Variants in DCC observed in about 807,000 individuals in gnomAD.
DCC encodes netrin receptor DCC.
Under a neutral mutation model 172.5 loss-of-function variants are expected in DCC, and 58 were observed. The observed-to-expected ratio is 0.34, with a 90% confidence interval of 0.27 to 0.42. The LOEUF (loss-of-function observed/expected upper bound fraction) is 0.42. DCC is among the 10% of genes least tolerant of loss of function. The pLI is 1.00. For synonymous variants in DCC, 709 were observed against 644.5 expected, an observed-to-expected ratio of 1.10 and a Z score of -1.52; for missense variants, 1,740 against 1,791.0, an observed-to-expected ratio of 0.97 and a Z score of 0.51.
intron 23 of DCC, among the ~76,000 whole-genome samples, chr18:53,453,655 T>C (rs927427680): frequency 1.3e-5 from 2 of 152,188 alleles, no homozygotes; most frequent in African/African-American, 4.8e-5. Flanking sequence ...TTCATTTTTA[T>C]TATATAAAAT....
At chr18:53,184,741 G>A (rs2055253681) in intron 9 of DCC, among the ~76,000 whole-genome samples, 1 of 152,112 alleles carries the variant, frequency 6.6e-6, no homozygotes, top group African/African-American at 2.4e-5. Flanking sequence ...TGGTATATCT[G>A]GGCTGTTGCT....
intron 1 of DCC, among the ~76,000 whole-genome samples, chr18:52,460,900 T>G (rs188966724): frequency 1.3e-5 from 2 of 152,336 alleles, no homozygotes; most frequent in East Asian, 3.9e-4. Context: ...TAGGACATGA[T>G]GTACACTATT....
At chr18:53,447,871 TAA>T (rs1246537975) in intron 22 of DCC, among the ~76,000 whole-genome samples, 1 of 152,156 alleles carries the variant, frequency 6.6e-6, no homozygotes, top group Non-Finnish European at 1.5e-5. Flanking sequence ...ATGGTAAGTG[TAA>T]AAATTACTTC....
chr18:53,351,619 G>A (rs1289408977), intron 15 of DCC, among the ~76,000 whole-genome samples: 1 of 149,532 alleles, frequency 6.7e-6, no homozygotes, highest in Non-Finnish European at 1.5e-5. Flanking sequence ...TATAATCTGA[G>A]TTGTTATTTG....
intron 12 of DCC, among the ~76,000 whole-genome samples, chr18:53,254,204 A>G (rs765171164): frequency 1.1e-4 from 17 of 152,058 alleles, no homozygotes; most frequent in Non-Finnish European, 2.1e-4. Context: ...CATCTGAGCA[A>G]CAGGGCTCCA....
chr18:52,964,297 G>T (rs915166714), intron 5 of DCC, among the ~76,000 whole-genome samples: 1 of 152,032 alleles, frequency 6.6e-6, no homozygotes, highest in Non-Finnish European at 1.5e-5. Flanking sequence ...TTATAGTTCA[G>T]AAAAAGACAT....
Position 53,070,610 on chromosome 18 carries a change from G to A in DCC, c.1261+4444G>A, listed in dbSNP as rs537108002. Among the ~76,000 whole-genome samples the A allele has an allele frequency of 1.1e-3, 165 of 152,148 alleles. 2 individuals carry two copies. In the South Asian group the frequency reaches 0.015, roughly 14 times the overall value. On this transcript the variant is annotated intron_variant, in intron 7 of 28. Coordinates refer to ENST00000442544, the MANE Select transcript of DCC (RefSeq NM_005215.4). ...CAAGGCTCTCCTGAGCAGAAATGGC[G>A]TTTAACTCCTCACTAGAGCCCAGGA...
chr18:52,731,501 T>A (rs2036642018), intron 1 of DCC, among the ~76,000 whole-genome samples: 1 of 152,228 alleles, frequency 6.6e-6, no homozygotes, highest in African/African-American at 2.4e-5. Flanking sequence ...CATGTCTCCC[T>A]CTATAGTGAA....
intron 1 of DCC, among the ~76,000 whole-genome samples, chr18:52,474,331 G>A (rs12454823): frequency 0.026 from 3,917 of 151,910 alleles, 153 homozygotes; most frequent in East Asian, 0.1. Flanking sequence ...CATTGGTGGC[G>A]GAGATTTTAG....
At chr18:53,511,957 G>A (rs1272047255) in intron 27 of DCC, among the ~76,000 whole-genome samples, 2 of 152,208 alleles carry the variant, frequency 1.3e-5, no homozygotes, top group African/African-American at 2.4e-5. Context: ...ACTGGGTGGA[G>A]CCCACCACAG....
intron 7 of DCC, among the ~76,000 whole-genome samples, chr18:53,124,013 G>A (rs968891619): frequency 1.2e-4 from 18 of 152,022 alleles, no homozygotes; most frequent in Admixed American, 5.2e-4. Flanking sequence ...GGTAACTGAA[G>A]CTTCCCATCC....
intron 27 of DCC, among the ~76,000 whole-genome samples, chr18:53,522,696 G>A (rs1304359228): frequency 2.0e-5 from 3 of 152,090 alleles, no homozygotes; most frequent in Non-Finnish European, 4.4e-5. Flanking sequence ...ATGGTGTTGG[G>A]AAAACTGGCT....
chr18:53,250,400 G>A (rs1305662012), intron 12 of DCC, among the ~76,000 whole-genome samples: 5 of 151,836 alleles, frequency 3.3e-5, no homozygotes, highest in Non-Finnish European at 7.4e-5. Flanking sequence ...TGGGGTTGCA[G>A]CTCTACTGTA....
At chr18:52,556,523 G>C (rs2032919503) in intron 1 of DCC, among the ~76,000 whole-genome samples, 1 of 152,072 alleles carries the variant, frequency 6.6e-6, no homozygotes, top group African/African-American at 2.4e-5. Flanking sequence ...GCAGCAAGGA[G>C]GTAGAAGAGC....
At chr18:52,798,270 T>C (rs755896056) in intron 2 of DCC, among the ~76,000 whole-genome samples, 12 of 152,122 alleles carry the variant, frequency 7.9e-5, no homozygotes, top group Non-Finnish European at 1.5e-4. Flanking sequence ...TTTAATAGAG[T>C]AGAGAAAACA....
intron 5 of DCC, among the ~76,000 whole-genome samples, chr18:53,000,489 A>T (rs893570738): frequency 2.7e-5 from 4 of 150,766 alleles, no homozygotes; most frequent in African/African-American, 9.7e-5. Flanking sequence ...AAAGTTCTAT[A>T]GGTTTTTTCG....
chr18:52,537,309 C>T (rs2032316167), intron 1 of DCC, among the ~76,000 whole-genome samples: 1 of 152,124 alleles, frequency 6.6e-6, no homozygotes, highest in African/African-American at 2.4e-5. Flanking sequence ...TAGACTTGGG[C>T]TGCAAAACAT....
intron 7 of DCC, among the ~76,000 whole-genome samples, chr18:53,144,993 A>C (rs1294098366): frequency 2.0e-5 from 3 of 149,796 alleles, no homozygotes; most frequent in Non-Finnish European, 3.0e-5. Flanking sequence ...CCAGTGTGCT[A>C]TATGGTCTGA....
At chr18:53,177,987 T>C (rs2055135006) in intron 8 of DCC, among the ~76,000 whole-genome samples, 1 of 152,138 alleles carries the variant, frequency 6.6e-6, no homozygotes, top group Non-Finnish European at 1.5e-5. Flanking sequence ...AACCAAAACA[T>C]ATCTGAATGG....
Sources: allele counts gnomAD v4.1 joint callset (sites outside exome capture counted in the v4.1 genomes callset), GRCh38; gene constraint gnomAD v4.1.1; transcripts MANE v1.5; gene names NCBI Gene and HGNC (gene_info 2026-07-23, HGNC 2026-07-21).